FBXL5: variants seen among roughly 807,000 people sequenced by gnomAD.
FBXL5 encodes F-box/LRR-repeat protein 5.
Under a neutral mutation model 78.3 loss-of-function variants are expected in FBXL5, and 26 were observed. The ratio of observed to expected loss-of-function variants is 0.33; its 90% CI spans 0.24 to 0.46. FBXL5 has a LOEUF of 0.46. Among genes scored for constraint, FBXL5 ranks in the 20% least tolerant of loss-of-function variants. The probability of loss-of-function intolerance (pLI) is 1.00; values close to 1 mark genes in which losing one functional copy is unlikely to be tolerated. For synonymous variants in FBXL5, 295 were observed against 282.5 expected, an observed-to-expected ratio of 1.04 and a Z score of -0.45; for missense variants, 710 against 829.2, an observed-to-expected ratio of 0.86 and a Z score of 1.77.
At chr4:15,655,425 C>T, upstream of FBXL5, 4 of 992,300 alleles carry the variant, frequency 4.0e-6, no homozygotes, top group Non-Finnish European at 4.8e-6. Context: ...GCTTGGCCGG[C>T]GGGGACGCGG....
chr4:15,629,845 C>G (rs1463901776), intron 6 of FBXL5, among the ~76,000 whole-genome samples: 2 of 152,052 alleles, frequency 1.3e-5, no homozygotes, highest in Admixed American at 6.5e-5. Flanking sequence ...TTCGCCAGAC[C>G]AAATTACTTT....
chr4:15,678,190 T>G (rs1220565959), intron 1 of FBXL5, among the ~76,000 whole-genome samples: 1 of 152,212 alleles, frequency 6.6e-6, no homozygotes, highest in East Asian at 1.9e-4. Context: ...AAGTCATTAT[T>G]CATAGGTGTT....
chr4:15,609,441 A>G (rs942114335), intron 10 of FBXL5, among the ~76,000 whole-genome samples: 2 of 152,084 alleles, frequency 1.3e-5, no homozygotes, highest in African/African-American at 4.8e-5. Context: ...CTTATGCTGT[A>G]TATCTGCACT....
exon 1 of FBXL5, chr4:15,681,528 C>G (rs1718272745): frequency 6.4e-6 from 1 of 157,430 alleles, no homozygotes; most frequent in South Asian, 2.0e-4. Context: ...CCCACCAGCT[C>G]AGAGGCAGAG....
At chr4:15,618,932 G>GCAAAGGTAGGTGGAC (rs370061144) in intron 9 of FBXL5, among the ~76,000 whole-genome samples, 1 of 151,908 alleles carries the variant, frequency 6.6e-6, no homozygotes, top group Non-Finnish European at 1.5e-5. Flanking sequence ...CACTTTGGGA[G>GCAAAGGTAGGTGGAC]TGCTTGAGCC....
At chr4:15,664,103 T>A (rs1418251455), upstream of FBXL5, among the ~76,000 whole-genome samples, 1 of 152,210 alleles carries the variant, frequency 6.6e-6, no homozygotes, top group Non-Finnish European at 1.5e-5. Context: ...CTTCAGAGCT[T>A]CTATCTTTTT....
chr4:15,640,668 G>T, intron 3 of FBXL5, 120 bp downstream of exon 3: 2 of 471,888 alleles, frequency 4.2e-6, no homozygotes, highest in South Asian at 5.0e-5. Flanking sequence ...AAAAAGAACT[G>T]CGTTCTTCTC....
chr4:15,610,012 C>G (rs533367299), intron 10 of FBXL5, among the ~76,000 whole-genome samples: 20 of 151,938 alleles, frequency 1.3e-4, no homozygotes, highest in African/African-American at 4.6e-4. Context: ...TTTAGCTAAA[C>G]GTCACTTTCA....
chr4:15,622,606 TTCTG>T (rs1373768163), intron 9 of FBXL5, among the ~76,000 whole-genome samples: 3 of 152,198 alleles, frequency 2.0e-5, no homozygotes, highest in Non-Finnish European at 4.4e-5. Flanking sequence ...ATACTATGTT[TTCTG>T]TCTATTTCTA....
upstream of FBXL5, among the ~76,000 whole-genome samples, chr4:15,659,511 T>G (rs1717203690): frequency 6.6e-6 from 1 of 152,194 alleles, no homozygotes; most frequent in Non-Finnish European, 1.5e-5. Context: ...CAGGAGAATG[T>G]GAGCTGCACC....
rs1250139194 is a variant in FBXL5, at chr4:15,626,946, T to C, written c.1051A>G (p.Ile351Val). Residue 351 changes from isoleucine to valine, a missense_variant, in exon 8 of 11, where the codon ATT (isoleucine) becomes GTT (valine). By Grantham distance (29) the Ile-to-Val change is conservative. Transcript: ENST00000341285. ...SAVSSKMVRQ[I>V]LELCPNLEHL... is the part of the protein sequence containing the mutation. The stretch of plus-strand genomic sequence containing the variant: ...TCCAGGTTAGGACAAAGCTCTAAAA[T>C]CTGCCTAACCTAAAAGGCAAGAAAT... 1 of 1,609,336 alleles carries C rather than the reference T, an allele frequency of 6.2e-7. No homozygotes were observed. Among genetic ancestry groups the C allele is most frequent in the Non-Finnish European group, 8.5e-7 (1 of 1,177,790 alleles).
rs911236011 is a variant in FBXL5 at position 15,616,859 on chromosome 4, G to A, written c.1851-4445C>T. Among the ~76,000 whole-genome samples the A allele has an allele frequency of 7.9e-5, 12 of 152,270 alleles. No homozygotes were observed. The East Asian group carries it at 1.2e-3, about 15-fold the overall frequency. ...CCCAGTGAGGATGTTGTGTTCAGAG[G>A]CAGACATTTCCCTGTCACACTTTGG... On this transcript the variant is annotated intron_variant, in intron 9 of 10. Transcript: ENST00000341285.
Position 15,611,616 on chromosome 4 carries a change from C to T in FBXL5, c.1999+650G>A, listed in dbSNP as rs554057060. ...TGAAAAAGCATGTTCAATAAGACCA[C>T]TGTAGGGTAGAATATGTTTAAAAGA... is the stretch of plus-strand genomic sequence containing the variant. On this transcript the variant is annotated intron_variant, in intron 10 of 10. Transcript: ENST00000341285. 2.6e-5 allele frequency among the ~76,000 whole-genome samples: 4 copies of T among 152,188 alleles called. No homozygotes were observed. The South Asian group carries it at 8.3e-4, about 32-fold the overall frequency.
chr4:15,647,222 C>CAAAAAAAAAAAA (rs112736448), intron 1 of FBXL5, among the ~76,000 whole-genome samples: 9 of 36,496 alleles, frequency 2.5e-4, no homozygotes, highest in Non-Finnish European at 3.5e-4. Context: ...GACTCCATCT[C>CAAAAAAAAAAAA]AAAAAAAAAA....
At chr4:15,619,028 C>A (rs1224645587) in intron 9 of FBXL5, among the ~76,000 whole-genome samples, 1 of 152,098 alleles carries the variant, frequency 6.6e-6, no homozygotes, top group Non-Finnish European at 1.5e-5. Flanking sequence ...GTAGCACACG[C>A]CTGTGGTCCC....
chr4:15,626,736 G>C (rs1469740208), intron 8 of FBXL5, 137 bp downstream of exon 8: 2 of 648,362 alleles, frequency 3.1e-6, no homozygotes, highest in African/African-American at 3.7e-5. Flanking sequence ...TGAAGAACTG[G>C]AGGGTGCTAT....
chr4:15,641,559 T>C (rs1457474983), intron 2 of FBXL5: 4 of 454,708 alleles, frequency 8.8e-6, no homozygotes, highest in South Asian at 6.3e-5. Flanking sequence ...ATTTTACATA[T>C]AATACATGAA....
chr4:15,675,063 A>T (rs1056384747), intron 1 of FBXL5, among the ~76,000 whole-genome samples: 1 of 152,234 alleles, frequency 6.6e-6, no homozygotes, highest in Non-Finnish European at 1.5e-5. Flanking sequence ...CTGCCACTAC[A>T]AAACACTTTA....
At chr4:15,608,001 T>C (rs1304305794) in intron 10 of FBXL5, among the ~76,000 whole-genome samples, 1 of 152,212 alleles carries the variant, frequency 6.6e-6, no homozygotes, top group African/African-American at 2.4e-5. Flanking sequence ...AAATAACGTA[T>C]AACAAAGGTA....
Sources: gnomAD v4.1 joint callset for allele counts (sites outside exome capture counted in the v4.1 genomes callset) on GRCh38, gnomAD v4.1.1 for gene constraint, MANE v1.5 for transcripts, NCBI Gene and HGNC (gene_info 2026-07-23, HGNC 2026-07-21) for gene names.